Variants in ZSWIM5 observed in about 807,000 individuals in gnomAD.
The protein encoded by ZSWIM5 is zinc finger SWIM-type containing 5.
ZSWIM5 carries 55 observed loss-of-function variants against 119.6 expected under a neutral mutation model. The observed-to-expected ratio is 0.46, with a 90% CI of 0.37 to 0.58. The LOEUF is 0.58. Among genes scored for constraint, ZSWIM5 ranks in the 20% least tolerant of loss-of-function variants. The pLI is 0.00. For synonymous variants in ZSWIM5, 537 were observed against 606.9 expected (o/e 0.88, Z 1.69); for missense variants, 1,193 against 1,512.8 (o/e 0.79, Z 3.51).
chr1:45,200,797 C>A (rs1646153899), intron 1 of ZSWIM5, among the ~76,000 whole-genome samples: 1 of 152,114 alleles, frequency 6.6e-6, no homozygotes, highest in Admixed American at 6.5e-5. Context: ...CTAACTTAAG[C>A]CATACTTAAT....
intron 1 of ZSWIM5, among the ~76,000 whole-genome samples, chr1:45,179,516 T>G: frequency 6.6e-6 from 1 of 152,088 alleles, no homozygotes; most frequent in East Asian, 1.9e-4. Context: ...GGGTAACAGA[T>G]TCATTCGTAC....
chr1:45,096,276 A>G (rs1645400950), intron 1 of ZSWIM5, among the ~76,000 whole-genome samples: 1 of 151,792 alleles, frequency 6.6e-6, no homozygotes, highest in South Asian at 2.1e-4. Flanking sequence ...CCACAGTTAA[A>G]ACACACACAC....
chr1:45,168,657 TC>T (rs991488752), intron 1 of ZSWIM5, among the ~76,000 whole-genome samples: 1 of 114,868 alleles, frequency 8.7e-6, no homozygotes, highest in African/African-American at 3.4e-5. Context: ...AGAGTGAGAC[TC>T]CATCTCAAAA....
chr1:45,079,720 G>C (rs1252473193), intron 2 of ZSWIM5, among the ~76,000 whole-genome samples: 3 of 152,192 alleles, frequency 2.0e-5, no homozygotes, highest in Non-Finnish European at 4.4e-5. Flanking sequence ...AGCTGGGAAT[G>C]TCCTGAGACT....
chr1:45,067,784 T>C (rs982793637), intron 2 of ZSWIM5, among the ~76,000 whole-genome samples: 1 of 152,248 alleles, frequency 6.6e-6, no homozygotes, highest in African/African-American at 2.4e-5. Context: ...AATGCCCTTA[T>C]ATGTTCACTG....
intron 1 of ZSWIM5, among the ~76,000 whole-genome samples, chr1:45,104,543 C>A (rs1645458400): frequency 6.6e-6 from 1 of 152,188 alleles, no homozygotes; most frequent in Admixed American, 6.5e-5. Context: ...CGCCTGGGGC[C>A]TATATAAGTT....
chr1:45,170,040 A>G (rs929334971), intron 1 of ZSWIM5, among the ~76,000 whole-genome samples: 6 of 152,106 alleles, frequency 3.9e-5, no homozygotes, highest in Admixed American at 1.3e-4. Flanking sequence ...GAAAGTTCTA[A>G]AACATTTTAA....
chr1:45,109,854 C>T (rs1645505168), intron 1 of ZSWIM5, among the ~76,000 whole-genome samples: 1 of 151,964 alleles, frequency 6.6e-6, no homozygotes. Context: ...AATTCTCACG[C>T]TCTATGTACT....
In ZSWIM5 at chr1:45,205,792, G is replaced by A. The variant is rs1442906447; in HGVS notation, c.559C>T (p.Leu187=). 4 of 1,558,344 alleles carry A rather than the reference G, an allele frequency of 2.6e-6. No individual in the cohort carries two copies. In the South Asian group the frequency reaches 3.5e-5, roughly 14 times the overall value. Residue 187 remains leucine (L), a synonymous_variant, in exon 1 of 14, where the codon CTG becomes TTG. Coordinates refer to ENST00000359600, the MANE Select transcript of ZSWIM5 (RefSeq NM_020883.2). Reference sequence around the variant, plus strand: ...ACGTTCTCCACGGAGCCGCTGTCCAGCAGACGGATGCCCCGGCGGAACGGG... The same window carrying A: ...ACGTTCTCCACGGAGCCGCTGTCCAACAGACGGATGCCCCGGCGGAACGGG... The part of the protein sequence containing the change: ...GLPFRRGIRL[L]DSGSVENVLQ...
intron 1 of ZSWIM5, among the ~76,000 whole-genome samples, chr1:45,107,021 C>G (rs1332216124): frequency 1.3e-5 from 2 of 152,114 alleles, no homozygotes; most frequent in African/African-American, 2.4e-5. Flanking sequence ...ACAGCATACT[C>G]GTTAAGAGTC....
chr1:45,115,716 G>C (rs150231494), intron 1 of ZSWIM5, among the ~76,000 whole-genome samples: 3,146 of 131,896 alleles, frequency 0.024, 35 homozygotes, highest in Non-Finnish European at 0.035. Context: ...AGAGACGCTC[G>C]TCACTTCCCA....
At position 45,072,519 on chromosome 1, in the gene ZSWIM5, C is replaced by T. The variant is rs1645228132; in HGVS notation, c.953-12272G>A. Among the ~76,000 whole-genome samples, 3 of 151,912 alleles carry T rather than the reference C, an allele frequency of 2.0e-5. No individual in the cohort carries two copies. Among genetic ancestry groups the T allele is most frequent in the South Asian group, 2.1e-4 (1 of 4,822 alleles). ...CCCAGTCCAGTGTCCTAGAGAGTTTCCCCAATGTTTTCTTGTAGTAGTTTC... is the reference window on the plus strand; with the variant it reads ...CCCAGTCCAGTGTCCTAGAGAGTTTTCCCAATGTTTTCTTGTAGTAGTTTC... On this transcript the variant is annotated intron_variant, in intron 2 of 13. Coordinates refer to ENST00000359600, the MANE Select transcript of ZSWIM5 (RefSeq NM_020883.2). This position sits in a 1 kb window ranked among gnomAD's most constrained non-coding sequence, Gnocchi z 4.1.
At chr1:45,104,541 G>T (rs1248578334) in intron 1 of ZSWIM5, among the ~76,000 whole-genome samples, 2 of 152,194 alleles carry the variant, frequency 1.3e-5, no homozygotes, top group Non-Finnish European at 2.9e-5. Flanking sequence ...CACGCCTGGG[G>T]CCTATATAAG....
At chr1:45,106,592 G>A (rs1011165224) in intron 1 of ZSWIM5, among the ~76,000 whole-genome samples, 1 of 148,180 alleles carries the variant, frequency 6.7e-6, no homozygotes, top group Non-Finnish European at 1.5e-5. Flanking sequence ...GGGAAGTGAG[G>A]TGCCTCTGCC....
chr1:45,025,912 T>A (rs1644917855), intron 11 of ZSWIM5, among the ~76,000 whole-genome samples: 1 of 152,200 alleles, frequency 6.6e-6, no homozygotes, highest in Admixed American at 6.5e-5. Context: ...TTTTCCTATC[T>A]TATTGTATTA....
intron 1 of ZSWIM5, among the ~76,000 whole-genome samples, chr1:45,128,733 C>G (rs1417654574): frequency 1.3e-5 from 2 of 152,216 alleles, no homozygotes; most frequent in African/African-American, 2.4e-5. Context: ...CAGTATCATA[C>G]AGAATAGTTT....
At chr1:45,177,356 C>T (rs995433992) in intron 1 of ZSWIM5, among the ~76,000 whole-genome samples, 1 of 152,054 alleles carries the variant, frequency 6.6e-6, no homozygotes, top group African/African-American at 2.4e-5. Context: ...ACCCCCTTTT[C>T]CACATTGGAA....
intron 1 of ZSWIM5, among the ~76,000 whole-genome samples, chr1:45,094,414 A>C (rs2149014519): frequency 6.6e-6 from 1 of 152,074 alleles, no homozygotes; most frequent in East Asian, 1.9e-4. Flanking sequence ...GCCCAGGGTG[A>C]TCTCAAACTC....
intron 2 of ZSWIM5, among the ~76,000 whole-genome samples, chr1:45,085,528 G>GTTTTTT (rs771375917): frequency 5.5e-4 from 62 of 112,704 alleles, no homozygotes; most frequent in African/African-American, 1.0e-3. Flanking sequence ...TAGTTTGTTT[G>GTTTTTT]TTTTTTTTTT....
Sources: gnomAD v4.1 joint callset for allele counts (sites outside exome capture counted in the v4.1 genomes callset) on GRCh38, gnomAD v4.1.1 for gene constraint, Gnocchi (gnomAD v3.1) non-coding constraint, MANE v1.5 for transcripts, NCBI Gene and HGNC (gene_info 2026-07-23, HGNC 2026-07-21) for gene names.